The following SPACA7 variants were observed in gnomAD, a reference collection of about 807,000 sequenced individuals.
SPACA7 encodes sperm acrosome associated 7, also known as sperm acrosome-associated protein 7.
In SPACA7, 19 loss-of-function variants were observed where a neutral mutation model predicts 26.3. The ratio of observed to expected loss-of-function variants is 0.72; its 90% CI spans 0.50 to 1.06. The LOEUF (loss-of-function observed/expected upper bound fraction) is 1.06, where lower values mean the gene tolerates loss of function less well. Among genes scored for constraint, SPACA7 ranks in the 50% least tolerant of loss-of-function variants. SPACA7 has a pLI of 0.00. For missense variants in SPACA7, 211 were observed against 229.9 expected, an observed-to-expected ratio of 0.92 and a Z score of 0.53; for synonymous variants, 84 against 84.5, an observed-to-expected ratio of 0.99 and a Z score of 0.04.
chr13:112,413,659 C>G (rs957275496), intron 5 of SPACA7, among the ~76,000 whole-genome samples: 3 of 152,120 alleles, frequency 2.0e-5, no homozygotes, highest in Non-Finnish European at 4.4e-5. Context: ...GTAATTACTT[C>G]TTTGAATAAA....
At chr13:112,404,226 T>A (rs1223105232) in intron 5 of SPACA7, among the ~76,000 whole-genome samples, 1 of 152,246 alleles carries the variant, frequency 6.6e-6, no homozygotes, top group Non-Finnish European at 1.5e-5. Context: ...ATATATTCTT[T>A]TGAGAATTGT....
chr13:112,411,845 T>A (rs997904695), intron 5 of SPACA7, among the ~76,000 whole-genome samples: 1 of 152,234 alleles, frequency 6.6e-6, no homozygotes, highest in African/African-American at 2.4e-5. Context: ...GTTTATCCAC[T>A]GATGGACACT....
intron 1 of SPACA7, chr13:112,378,567 G>GT (rs1883841325): frequency 2.5e-6 from 1 of 393,326 alleles, no homozygotes; most frequent in African/African-American, 2.1e-5. Flanking sequence ...TTGAGGCTAG[G>GT]AAGCCCAGCC....
chr13:112,412,736 T>C (rs1886429799), intron 5 of SPACA7, among the ~76,000 whole-genome samples: 1 of 152,158 alleles, frequency 6.6e-6, no homozygotes, highest in Non-Finnish European at 1.5e-5. Flanking sequence ...TGTATGTTCT[T>C]AGTGCCTTTG....
At position 112,433,569 on chromosome 13, in the gene SPACA7, G is replaced by A. The variant is rs547492074; in HGVS notation, c.524-916G>A. ...TCACTGTCCACAAGCGTGGGAAGCC[G>A]GCCAGCTCGTCCTTTGTTAAAATGC... On this transcript the variant is annotated intron_variant, in intron 6 of 6. Transcript: ENST00000283550. Among the ~76,000 whole-genome samples the A allele has an allele frequency of 7.9e-5, 12 of 151,670 alleles. No homozygotes were observed. In the South Asian group the frequency reaches 1.7e-3, roughly 21 times the overall value.
At chr13:112,402,874 T>C (rs1158501769) in intron 5 of SPACA7, among the ~76,000 whole-genome samples, 1 of 152,220 alleles carries the variant, frequency 6.6e-6, no homozygotes, top group Non-Finnish European at 1.5e-5. Context: ...ATTCTTAGAA[T>C]GGTATTAGAT....
At chr13:112,433,939 G>C (rs1877467440) in intron 6 of SPACA7, among the ~76,000 whole-genome samples, 1 of 152,210 alleles carries the variant, frequency 6.6e-6, no homozygotes, top group African/African-American at 2.4e-5. Flanking sequence ...CCTGGGACCT[G>C]ACTGTTCTGC....
chr13:112,392,500 A>C (rs760657629), intron 1 of SPACA7, among the ~76,000 whole-genome samples: 3 of 152,204 alleles, frequency 2.0e-5, no homozygotes, highest in Non-Finnish European at 4.4e-5. Flanking sequence ...AAACAGAGCC[A>C]TGAAGCCAGG....
intron 5 of SPACA7, among the ~76,000 whole-genome samples, chr13:112,403,297 AACTT>A (rs1008225820): frequency 2.0e-5 from 3 of 152,176 alleles, no homozygotes; most frequent in Non-Finnish European, 4.4e-5. Flanking sequence ...ATTTTAAAAA[AACTT>A]ACTTGTTTCC....
rs374466145 is a variant in SPACA7, at chr13:112,432,507, T to C, written c.509T>C (p.Ile170Thr). The C allele has an allele frequency of 8.1e-6, 13 of 1,604,620 alleles. No homozygotes were observed. In the African/African-American group the frequency reaches 1.5e-4, roughly 18 times the overall value. ...LSILDQILQNIGRSSGNIFHK... is the reference protein window; with the variant it reads ...LSILDQILQNTGRSSGNIFHK... ...ATTCTGGACCAAATCCTTCAAAATA[T>C]TGGAAGATCTTCAGGTAGATTGGAA... The change falls in exon 6 of 7, where the codon ATT becomes ACT. Residue 170 changes from isoleucine (I) to threonine (T), a missense_variant. Physicochemically the swap from Ile to Thr is moderately conservative, Grantham distance 89. Transcript: ENST00000283550.
intron 5 of SPACA7, among the ~76,000 whole-genome samples, chr13:112,419,235 C>T (rs966067746): frequency 6.6e-6 from 1 of 152,124 alleles, no homozygotes; most frequent in Non-Finnish European, 1.5e-5. Context: ...CAGGTCACCA[C>T]CATACAAGTG....
chr13:112,381,396 G>A (rs1331278837), intron 1 of SPACA7, among the ~76,000 whole-genome samples: 8 of 151,452 alleles, frequency 5.3e-5, no homozygotes, highest in African/African-American at 1.9e-4. Flanking sequence ...GGGAGGCTCA[G>A]ATGGGAGGAT....
chr13:112,377,071 C>T (rs1883742807), intron 1 of SPACA7, among the ~76,000 whole-genome samples: 1 of 152,286 alleles, frequency 6.6e-6, no homozygotes, highest in Admixed American at 6.5e-5. Context: ...AGAGTGGGCT[C>T]AACTCCAAAT....
intron 5 of SPACA7, among the ~76,000 whole-genome samples, chr13:112,430,128 G>T (rs563098602): frequency 6.6e-6 from 1 of 151,074 alleles, no homozygotes; most frequent in African/African-American, 2.4e-5. Context: ...CCATTCATTG[G>T]CCAGTAATCA....
intron 4 of SPACA7, among the ~76,000 whole-genome samples, chr13:112,399,598 G>T (rs188662320): frequency 1.3e-5 from 2 of 152,342 alleles, no homozygotes; most frequent in East Asian, 3.9e-4. Context: ...AGATGAGTCT[G>T]CTGGGAAAAA....
chr13:112,398,294 A>G (rs982978318), intron 3 of SPACA7, among the ~76,000 whole-genome samples, 156 bp downstream of exon 3: 13 of 151,908 alleles, frequency 8.6e-5, no homozygotes, highest in Non-Finnish European at 1.3e-4. Flanking sequence ...TGGCATCTAA[A>G]ACCATTTCTA....
intron 1 of SPACA7, among the ~76,000 whole-genome samples, chr13:112,390,304 G>A (rs1884798688): frequency 6.6e-6 from 1 of 152,170 alleles, no homozygotes; most frequent in Non-Finnish European, 1.5e-5. Flanking sequence ...GGTTTGCAAA[G>A]TCACGGCAAA....
chr13:112,432,983 C>A (rs541635197), intron 6 of SPACA7, among the ~76,000 whole-genome samples: 1 of 152,340 alleles, frequency 6.6e-6, no homozygotes, highest in Non-Finnish European at 1.5e-5. Flanking sequence ...ACAGCTTCAC[C>A]ACTGTCCGCC....
chr13:112,382,358 A>G (rs1594236787), intron 1 of SPACA7: 8 of 1,470,760 alleles, frequency 5.4e-6, no homozygotes, highest in Non-Finnish European at 7.2e-6. Flanking sequence ...TCAGCCTCCC[A>G]AAGTGCTGGG....
Sources: gnomAD v4.1 joint callset for allele counts (sites outside exome capture counted in the v4.1 genomes callset) on GRCh38, gnomAD v4.1.1 for gene constraint, MANE v1.5 for transcripts, NCBI Gene and HGNC (gene_info 2026-07-23, HGNC 2026-07-21) for gene names.